SNAPC4: variants seen among roughly 807,000 people sequenced by gnomAD.
SNAPC4 encodes small nuclear RNA activating complex polypeptide 4.
In SNAPC4, 127 loss-of-function variants were observed where a neutral mutation model predicts 151.3. The observed-to-expected ratio is 0.84, with a 90% CI of 0.73 to 0.97. The LOEUF (loss-of-function observed/expected upper bound fraction) is 0.97, where lower values mean the gene tolerates loss of function less well. Among genes scored for constraint, SNAPC4 ranks in the 50% least tolerant of loss-of-function variants. The pLI, the probability that SNAPC4 is intolerant of heterozygous loss-of-function variation, is 0.00. For synonymous variants in SNAPC4, 1,002 were observed against 824.4 expected, an observed-to-expected ratio of 1.22 and a Z score of -3.69; for missense variants, 2,186 against 1,935.0, an observed-to-expected ratio of 1.13 and a Z score of -2.43.
chr9:136,385,384 G>A lies in SNAPC4; in HGVS notation c.1326-570C>T, dbSNP rs1017257389. 5.3e-5 allele frequency among the ~76,000 whole-genome samples: 8 copies of A among 152,174 alleles called. 1 individual carries two copies. The highest frequency in any genetic ancestry group is 3.8e-4 in the East Asian group (2 of 5,208). The stretch of plus-strand genomic sequence containing the variant: ...GAAACAGTCTGGCCATTCCTCAAAA[G>A]GTTAAACACAGCGTTACCCGGACCG... On this transcript the variant is annotated intron_variant, in intron 13 of 23. Transcript: ENST00000684778.
intron 10 of SNAPC4, among the ~76,000 whole-genome samples, chr9:136,390,842 T>TA (rs928115021): frequency 3.4e-5 from 5 of 145,148 alleles, no homozygotes; most frequent in Non-Finnish European, 7.5e-5. Flanking sequence ...ATTTATTTAT[T>TA]TTTTTTTTTT....
intron 7 of SNAPC4, among the ~76,000 whole-genome samples, chr9:136,393,715 C>T (rs1287061080): frequency 2.6e-5 from 4 of 152,296 alleles, no homozygotes; most frequent in East Asian, 1.9e-4. Context: ...CACCCCTCAT[C>T]GTGGCTGTGT....
At chr9:136,388,397 TG>T in intron 11 of SNAPC4, 46 bp downstream of exon 11, 1 of 1,594,790 alleles carries the variant, frequency 6.3e-7, no homozygotes. Flanking sequence ...TGTCCTGATA[TG>T]GGGCCCTGTG....
intron 9 of SNAPC4, 67 bp from the exon 10 acceptor site, chr9:136,392,173 G>C: frequency 6.3e-7 from 1 of 1,584,356 alleles, no homozygotes; most frequent in South Asian, 1.1e-5. Flanking sequence ...CGCAGCTCCA[G>C]GCTGAGCTGT....
intron 10 of SNAPC4, among the ~76,000 whole-genome samples, chr9:136,389,596 G>A (rs1405374920): frequency 2.0e-5 from 3 of 152,182 alleles, no homozygotes; most frequent in African/African-American, 2.4e-5. Flanking sequence ...AGCCTCGCCC[G>A]CACGCCCCCA....
intron 1 of SNAPC4, chr9:136,398,704 G>A (rs942127893): frequency 4.1e-5 from 15 of 367,852 alleles, no homozygotes; most frequent in African/African-American, 2.8e-4. Flanking sequence ...AACCAGCACA[G>A]GCAGGGAGTG....
rs762062663 is a variant in SNAPC4 at position 136,383,028 on chromosome 9, C to T, written c.1983+158G>A. ...GAAAAATGGAGGCTTCCCCAACAGT[C>T]CCCCCGACGCACAGCTGTCCAGAGC... On this transcript the variant is annotated intron_variant, in intron 16 of 23. Coordinates refer to ENST00000684778, the MANE Select transcript of SNAPC4 (RefSeq NM_003086.4). The surrounding 1 kb of genome is among the most constrained non-coding windows in gnomAD (Gnocchi z 4.2). Among the ~76,000 whole-genome samples the T allele has an allele frequency of 6.6e-6, 1 of 152,240 alleles. No individual in the cohort carries two copies. The highest frequency in any genetic ancestry group is 1.5e-5 in the Non-Finnish European group (1 of 68,044).
Position 136,383,367 on chromosome 9 carries a change from G to A in SNAPC4, c.1802C>T (p.Pro601Leu). ...LGGPAASLSP[P>L]KGSSASQGGS... ...GCCCTGGCTGGCACTGGACCCCTTGGGAGGGCTGAGGGAGGCAGCGGGGCC... is the reference window on the plus strand; with the variant it reads ...GCCCTGGCTGGCACTGGACCCCTTGAGAGGGCTGAGGGAGGCAGCGGGGCC... Residue 601 changes from proline (P) to leucine (L), a missense_variant, in exon 16 of 24, where the codon CCC (proline) becomes CTC (leucine). Coordinates refer to ENST00000684778, the MANE Select transcript of SNAPC4 (RefSeq NM_003086.4). This position sits in a 1 kb window ranked among gnomAD's most constrained non-coding sequence, Gnocchi z 4.2. 1.9e-6 allele frequency: 3 copies of A among 1,604,052 alleles called. No homozygotes were observed. The highest frequency in any genetic ancestry group is 2.6e-6 in the Non-Finnish European group (3 of 1,175,798).
chr9:136,380,692 C>T (rs919066736), intron 20 of SNAPC4, 48 bp downstream of exon 20: 14 of 1,096,434 alleles, frequency 1.3e-5, no homozygotes, highest in Admixed American at 3.6e-5. Context: ...ACTCCAACGC[C>T]GGGGCGGGCA....
At chr9:136,395,258 G>A in intron 5 of SNAPC4, 40 bp downstream of exon 5, 1 of 1,603,842 alleles carries the variant, frequency 6.2e-7, no homozygotes, top group Non-Finnish European at 8.5e-7. Flanking sequence ...TTCCCACGGT[G>A]CAGAGCCTTG....
chr9:136,392,377 C>A (rs2131504150), intron 9 of SNAPC4, 145 bp downstream of exon 9: 1 of 873,058 alleles, frequency 1.1e-6, no homozygotes, highest in Non-Finnish European at 1.9e-6. Context: ...GACTGTGGGA[C>A]ATGTGCTTGA....
intron 1 of SNAPC4, among the ~76,000 whole-genome samples, chr9:136,399,592 C>T (rs1834385019): frequency 6.6e-6 from 1 of 152,210 alleles, no homozygotes; most frequent in Non-Finnish European, 1.5e-5. Context: ...CCTCTCCCCG[C>T]ACCCCTCTCC....
Position 136,377,956 on chromosome 9 carries a change from C to G in SNAPC4, c.3871G>C (p.Gly1291Arg), listed in dbSNP as rs572444094. Residue 1291 changes from glycine to arginine, a missense_variant, in exon 22 of 24, where the codon GGG becomes CGG. Gly to Arg is a moderately radical substitution (Grantham distance 125). Coordinates refer to ENST00000684778, the MANE Select transcript of SNAPC4 (RefSeq NM_003086.4). ...CTGCCCAGAAGAGGCACACGCACCC[C>G]CCGCTGGCCCCCCAGCCACTGCTGT... ...ATQQWLGGQR[G>R]VRVPLLGSRL... The G allele has an allele frequency of 6.2e-7, 1 of 1,602,104 alleles. No individual in the cohort carries two copies. The highest frequency in any genetic ancestry group is 1.1e-5 in the South Asian group (1 of 90,658).
In SNAPC4 at chr9:136,399,128, T is replaced by G. The variant is rs377179964; in HGVS notation, c.-9-691A>C. On this transcript the variant is annotated intron_variant, in intron 1 of 23. Coordinates refer to ENST00000684778, the MANE Select transcript of SNAPC4 (RefSeq NM_003086.4). ...GGACGCTAGAGAGAGAGTGGGAGAA[T>G]GAAACATTAGCAGAGAAAATCTAAA... 5.3e-5 allele frequency among the ~76,000 whole-genome samples: 8 copies of G among 152,180 alleles called. No individual in the cohort carries two copies. The East Asian group carries it at 9.7e-4, about 18-fold the overall frequency.
At position 136,379,724 on chromosome 9, in the gene SNAPC4, C is replaced by T. The variant is rs1833618399; in HGVS notation, c.2527+113G>A. ...CTCGAGGGAGCTCTGTCACCAGGGG[C>T]CACAGGCTGTGCTGCTTGGGGGCTG... On this transcript the variant is annotated intron_variant, in intron 21 of 23. Coordinates refer to ENST00000684778, the MANE Select transcript of SNAPC4 (RefSeq NM_003086.4). The T allele has an allele frequency of 6.0e-6, 6 of 998,168 alleles. No homozygotes were observed. The South Asian group carries it at 6.8e-5, about 11-fold the overall frequency. The allele number at this position is 998,168 out of a possible 1,614,324, so 61.8% of individuals were successfully genotyped here.
In SNAPC4 at chr9:136,385,333, A is replaced by G. The variant is rs538243671; in HGVS notation, c.1326-519T>C. 6.0e-3 allele frequency among the ~76,000 whole-genome samples: 913 copies of G among 152,322 alleles called. 11 individuals are homozygous for G. The highest frequency in any genetic ancestry group is 0.021 in the African/African-American group (860 of 41,556). ...GGAGCCCTCATACATTCCTAGTGGG[A>G]ATACGAAATGGTTCAACCTCTTTGG... On this transcript the variant is annotated intron_variant, in intron 13 of 23. Transcript: ENST00000684778.
Position 136,378,504 on chromosome 9 carries a change from A to T in SNAPC4, c.3323T>A (p.Leu1108Gln), listed in dbSNP as rs767317986. The T allele has an allele frequency of 1.9e-6, 3 of 1,591,676 alleles. No individual in the cohort carries two copies. The highest frequency in any genetic ancestry group is 2.6e-6 in the Non-Finnish European group (3 of 1,174,744). ...RPAGTPGPAG[L>Q]LATLLPPLTE... ...CAGGGGAGGCAGCAGAGTGGCCAGCAGCCCTGCGGGGCCAGGGGTCCCTGC... is the reference window on the plus strand; with the variant it reads ...CAGGGGAGGCAGCAGAGTGGCCAGCTGCCCTGCGGGGCCAGGGGTCCCTGC... Residue 1108 changes from leucine (L) to glutamine (Q), a missense_variant, in exon 22 of 24, where the codon CTG becomes CAG. Transcript: ENST00000684778.
At chr9:136,394,215 G>A in intron 7 of SNAPC4, 34 bp downstream of exon 7, 1 of 1,563,432 alleles carries the variant, frequency 6.4e-7, no homozygotes, top group Non-Finnish European at 8.8e-7. Flanking sequence ...TGCCCAGCCT[G>A]AAGACCGTTT....
intron 5 of SNAPC4, 25 bp downstream of exon 5, chr9:136,395,273 C>A (rs536163003): frequency 6.2e-7 from 1 of 1,608,382 alleles, no homozygotes; most frequent in South Asian, 1.1e-5. Context: ...GCCTTGCCGA[C>A]AAGAGCAGGG....
Sources: allele counts gnomAD v4.1 joint callset (sites outside exome capture counted in the v4.1 genomes callset), GRCh38; gene constraint gnomAD v4.1.1; non-coding constraint Gnocchi (gnomAD v3.1); transcripts MANE v1.5; gene names NCBI Gene and HGNC (gene_info 2026-07-23, HGNC 2026-07-21).